BRD10: variants seen among roughly 807,000 people sequenced by gnomAD.
BRD10 encodes uncharacterized bromodomain-containing protein 10.
chr9:5,988,442 G>C, the BRD10 span: 3 of 1,613,888 alleles, frequency 1.9e-6, no homozygotes, highest in Non-Finnish European at 1.7e-6. Context: ...AAACTTCGCG[G>C]TGTTGACCGA....
chr9:5,908,294 C>A, the BRD10 span, among the ~76,000 whole-genome samples: 1 of 152,152 alleles, frequency 6.6e-6, no homozygotes, highest in African/African-American at 2.4e-5. Context: ...ACAATTACAA[C>A]GATCTCTGTG....
the BRD10 span, among the ~76,000 whole-genome samples, chr9:5,967,703 A>AAC: frequency 2.0e-5 from 3 of 151,168 alleles, no homozygotes; most frequent in African/African-American, 7.3e-5. Flanking sequence ...TGAAAAAAAA[A>AAC]AAAAAAAACA....
chr9:5,897,978 GA>G, the BRD10 span: 6 of 265,398 alleles, frequency 2.3e-5, no homozygotes, highest in Non-Finnish European at 4.5e-5. Context: ...CACACCTGGT[GA>G]GGACTTCTTG....
At chr9:5,990,083 C>T in the BRD10 span, among the ~76,000 whole-genome samples, 1 of 152,120 alleles carries the variant, frequency 6.6e-6, no homozygotes, top group Admixed American at 6.5e-5. Flanking sequence ...ATTGGTTTTC[C>T]AAAAATACTG....
chr9:5,995,317 TCAAAAAC>T, the BRD10 span, among the ~76,000 whole-genome samples: 1 of 152,216 alleles, frequency 6.6e-6, no homozygotes, highest in Admixed American at 6.5e-5. Context: ...TTCCTGCTTC[TCAAAAAC>T]CAAAATTATC....
At chr9:5,897,099 T>A in the BRD10 span, among the ~76,000 whole-genome samples, 1 of 152,216 alleles carries the variant, frequency 6.6e-6, no homozygotes, top group African/African-American at 2.4e-5. Flanking sequence ...AGTGTTGATG[T>A]GAGAATTGAA....
the BRD10 span, among the ~76,000 whole-genome samples, chr9:5,958,814 T>G: frequency 6.6e-5 from 10 of 152,144 alleles, no homozygotes; most frequent in African/African-American, 1.2e-4. Context: ...TCAAGGGTAT[T>G]TGTATTATTA....
chr9:5,940,582 G>C, the BRD10 span, among the ~76,000 whole-genome samples: 1 of 152,182 alleles, frequency 6.6e-6, no homozygotes, highest in African/African-American at 2.4e-5. Flanking sequence ...ATAACAGTGT[G>C]TTAATATTGT....
the BRD10 span, chr9:5,920,610 T>C: frequency 1.9e-6 from 3 of 1,613,974 alleles, no homozygotes; most frequent in Non-Finnish European, 1.7e-6. Context: ...GTTGGCACTG[T>C]AGTTGAAATC....
the BRD10 span, among the ~76,000 whole-genome samples, chr9:5,908,031 C>T: frequency 6.6e-6 from 1 of 152,154 alleles, no homozygotes; most frequent in Admixed American, 6.6e-5. Context: ...ACATATACAA[C>T]ACAGCATAAT....
the BRD10 span, chr9:6,007,138 G>A: frequency 2.2e-5 from 34 of 1,536,786 alleles, no homozygotes; most frequent in Non-Finnish European, 2.9e-5. Flanking sequence ...CCTCGGGCAC[G>A]TGTGAGTGTG....
chr9:6,007,404 G>A, the BRD10 span: 1 of 1,609,192 alleles, frequency 6.2e-7, no homozygotes, highest in African/African-American at 1.3e-5. Context: ...GCTGCGGGAA[G>A]GCGCGACCGC....
the BRD10 span, among the ~76,000 whole-genome samples, chr9:5,913,432 A>G: frequency 0.19 from 29,045 of 152,206 alleles, 2,977 homozygotes; most frequent in Middle Eastern, 0.3. Flanking sequence ...AAGTGTCTCA[A>G]AAGAACTTTC....
chr9:5,921,029 G>T, the BRD10 span: 1 of 1,613,772 alleles, frequency 6.2e-7, no homozygotes, highest in Admixed American at 1.7e-5. Flanking sequence ...ATTTGCTCCG[G>T]TAACTGAAAG....
the BRD10 span, among the ~76,000 whole-genome samples, chr9:5,927,998 A>G: frequency 3.3e-5 from 5 of 152,240 alleles, no homozygotes; most frequent in South Asian, 4.1e-4. Flanking sequence ...ATATGTCTAA[A>G]GAGCATATCA....
chr9:5,912,460 G>A, the BRD10 span, among the ~76,000 whole-genome samples: 1 of 151,392 alleles, frequency 6.6e-6, no homozygotes, highest in Admixed American at 6.6e-5. Flanking sequence ...GGGGTGGGGG[G>A]TTGGGGAACG....
the BRD10 span, among the ~76,000 whole-genome samples, chr9:5,988,905 G>C: frequency 2.0e-5 from 3 of 152,072 alleles, no homozygotes; most frequent in African/African-American, 4.8e-5. Context: ...TTTGGAAAAA[G>C]AAAATGTAAA....
At chr9:5,886,690 G>A in the BRD10 span, among the ~76,000 whole-genome samples, 1 of 152,228 alleles carries the variant, frequency 6.6e-6, no homozygotes, top group Non-Finnish European at 1.5e-5. Flanking sequence ...CCTGACTTGG[G>A]CTGGCTTTGG....
chr9:6,001,611 C>T, the BRD10 span, among the ~76,000 whole-genome samples: 1 of 152,206 alleles, frequency 6.6e-6, no homozygotes, highest in Non-Finnish European at 1.5e-5. Flanking sequence ...GTCATTGTAT[C>T]TACAGGGCTT....
Sources: allele counts gnomAD v4.1 joint callset (sites outside exome capture counted in the v4.1 genomes callset), GRCh38; gene constraint gnomAD v4.1.1; transcripts MANE v1.5; gene names NCBI Gene and HGNC (gene_info 2026-07-23, HGNC 2026-07-21).